MAST2: variants seen among roughly 807,000 people sequenced by gnomAD.
MAST2 encodes the protein microtubule associated serine/threonine kinase 2.
Under a neutral mutation model 147.4 loss-of-function variants are expected in MAST2, and 70 were observed. The ratio of observed to expected loss-of-function variants is 0.47; its 90% CI spans 0.39 to 0.58. The LOEUF (loss-of-function observed/expected upper bound fraction) is 0.58. MAST2 is among the 20% of genes least tolerant of loss of function. MAST2 has a pLI of 0.00. For synonymous variants in MAST2, 869 were observed against 896.8 expected (o/e 0.97, Z 0.55); for missense variants, 2,080 against 2,302.3 (o/e 0.90, Z 1.98).
chr1:45,808,618 A>T (rs1411109957), intron 1 of MAST2, among the ~76,000 whole-genome samples: 2 of 151,952 alleles, frequency 1.3e-5, no homozygotes, highest in Non-Finnish European at 2.9e-5. Flanking sequence ...TCCCATTGTC[A>T]CTACCTTAAT....
intron 4 of MAST2, among the ~76,000 whole-genome samples, chr1:45,931,897 C>T (rs1246619760): frequency 6.6e-6 from 1 of 152,060 alleles, no homozygotes; most frequent in East Asian, 1.9e-4. Flanking sequence ...TGCTGTGTTG[C>T]CTAGGCTGGT....
chr1:45,892,422 C>T (rs1647966351), intron 4 of MAST2, among the ~76,000 whole-genome samples: 1 of 152,178 alleles, frequency 6.6e-6, no homozygotes, highest in Admixed American at 6.5e-5. Flanking sequence ...AATAATATTT[C>T]AAACAAATTA....
intron 4 of MAST2, among the ~76,000 whole-genome samples, chr1:45,922,062 G>A (rs1277040003): frequency 6.6e-6 from 1 of 152,208 alleles, no homozygotes; most frequent in Non-Finnish European, 1.5e-5. Context: ...CAGCAGAGAG[G>A]AGGTCCTGGA....
chr1:45,979,429 GTT>G (rs10712066), intron 5 of MAST2, among the ~76,000 whole-genome samples: 37,896 of 143,076 alleles, frequency 0.26, 5,711 homozygotes, highest in African/African-American at 0.42. Context: ...CAGATTTTTT[GTT>G]TTTTTTTTTT....
chr1:45,902,740 T>C (rs1649995140), intron 4 of MAST2, among the ~76,000 whole-genome samples: 1 of 152,112 alleles, frequency 6.6e-6, no homozygotes. Context: ...AATTTATTCA[T>C]GTCTTCTAGG....
intron 6 of MAST2, among the ~76,000 whole-genome samples, chr1:46,001,270 G>A (rs529947447): frequency 2.0e-5 from 3 of 152,314 alleles, no homozygotes; most frequent in African/African-American, 7.2e-5. Flanking sequence ...ACAGTCAGAT[G>A]ACTGCAGTGA....
intron 4 of MAST2, among the ~76,000 whole-genome samples, chr1:45,887,651 C>G (rs761360073): frequency 2.0e-5 from 3 of 152,152 alleles, no homozygotes; most frequent in Non-Finnish European, 4.4e-5. Flanking sequence ...CAACTTGATG[C>G]CTGGATCAAT....
intron 5 of MAST2, among the ~76,000 whole-genome samples, chr1:45,977,594 T>G (rs1644221608): frequency 6.6e-6 from 1 of 151,570 alleles, no homozygotes; most frequent in Admixed American, 6.6e-5. Flanking sequence ...GGTCAAGAGA[T>G]CGAGACCATC....
chr1:45,810,623 C>A (rs1412868940), intron 1 of MAST2, among the ~76,000 whole-genome samples: 1 of 151,224 alleles, frequency 6.6e-6, no homozygotes, highest in Non-Finnish European at 1.5e-5. Context: ...ACCAGCCTGG[C>A]CAACATGATG....
chr1:45,941,902 A>G (rs536579829), intron 4 of MAST2, among the ~76,000 whole-genome samples: 22 of 152,354 alleles, frequency 1.4e-4, no homozygotes, highest in African/African-American at 5.1e-4. Context: ...AAGTGTTTGG[A>G]GAGTAATACA....
chr1:45,956,414 G>A (rs56301932), intron 4 of MAST2, among the ~76,000 whole-genome samples: 30,389 of 152,030 alleles, frequency 0.2, 3,541 homozygotes, highest in Non-Finnish European at 0.26. Flanking sequence ...ATGGAAATTT[G>A]TTCACTGCAA....
At chr1:45,892,923 CAT>C (rs1412676742) in intron 4 of MAST2, among the ~76,000 whole-genome samples, 1 of 152,102 alleles carries the variant, frequency 6.6e-6, no homozygotes, top group African/African-American at 2.4e-5. Flanking sequence ...ATTTAGAAAA[CAT>C]AGATAAACAT....
At chr1:45,965,037 G>A (rs1293057897) in intron 5 of MAST2, among the ~76,000 whole-genome samples, 9 of 152,210 alleles carry the variant, frequency 5.9e-5, no homozygotes, top group Non-Finnish European at 1.5e-5. Context: ...TTTTGAGTGA[G>A]TTTCTTAATC....
intron 3 of MAST2, among the ~76,000 whole-genome samples, chr1:45,867,872 G>A (rs1646222330): frequency 6.6e-6 from 1 of 152,178 alleles, no homozygotes; most frequent in Admixed American, 6.5e-5. Context: ...GAAGTCCAGA[G>A]GTTGGATGGG....
rs1313995776 is a variant in MAST2, at chr1:46,035,098, G to T, written c.4429G>T (p.Ala1477Ser). ...GGTGCTGCAGCCTGCTCCCTCACGGGCCCTAGGCACCCTCCGGCAGGACCG... is the reference window on the plus strand; with the variant it reads ...GGTGCTGCAGCCTGCTCCCTCACGGTCCCTAGGCACCCTCCGGCAGGACCG... The part of the protein sequence containing the change: ...KGVLQPAPSR[A>S]LGTLRQDRAE... The change falls in exon 29 of 29, where the codon GCC becomes TCC. Residue 1477 changes from alanine (A) to serine (S), a missense_variant. Ala to Ser is a moderately conservative substitution (Grantham distance 99). This residue lies in a region of MAST2 where 1,278 missense variants were observed against 1,304.2 expected (regional missense o/e 0.98). Transcript: ENST00000361297. The surrounding 1 kb of genome is among the most constrained non-coding windows in gnomAD (Gnocchi z 5.5). 1.2e-6 allele frequency: 2 copies of T among 1,613,504 alleles called. No homozygotes were observed. Among genetic ancestry groups the T allele is most frequent in the South Asian group, 1.1e-5 (1 of 91,084 alleles).
intron 3 of MAST2, among the ~76,000 whole-genome samples, chr1:45,845,795 C>T (rs1645412550): frequency 6.6e-6 from 1 of 152,216 alleles, no homozygotes; most frequent in African/African-American, 2.4e-5. Context: ...CGGAGTGTCT[C>T]TGTCGCCCAG....
rs555127204 is a variant in MAST2 at position 46,030,499 on chromosome 1, G to A, written c.2554-108G>A. The A allele has an allele frequency of 1.2e-4, 156 of 1,319,446 alleles. 1 individual carries two copies. The African/African-American group carries it at 2.1e-3, about 18-fold the overall frequency. The allele number at this position is 1,319,446 out of a possible 1,614,324, so 81.7% of individuals were successfully genotyped here. On this transcript the variant is annotated intron_variant, in intron 21 of 28. Transcript: ENST00000361297. The stretch of plus-strand genomic sequence containing the variant: ...CAGCAGGGGTGTGTGAAGGAGGGAT[G>A]GAACCGACTGGTTCAAATTCCTAGG...
chr1:45,980,069 G>T (rs1030370721), intron 5 of MAST2, among the ~76,000 whole-genome samples: 2 of 152,080 alleles, frequency 1.3e-5, no homozygotes, highest in African/African-American at 4.8e-5. Flanking sequence ...TGGATCACTT[G>T]AGGTCAGGAG....
chr1:45,997,656 C>T, intron 5 of MAST2, 68 bp from the exon 6 acceptor site: 2 of 1,167,310 alleles, frequency 1.7e-6, no homozygotes, highest in Non-Finnish European at 2.6e-6. Context: ...ATATTTCTTG[C>T]CCGAAAGTCA....
Sources: allele counts gnomAD v4.1 joint callset (sites outside exome capture counted in the v4.1 genomes callset), GRCh38; gene constraint gnomAD v4.1.1; regional missense constraint gnomAD v4.1.1; non-coding constraint Gnocchi (gnomAD v3.1); transcripts MANE v1.5; gene names NCBI Gene and HGNC (gene_info 2026-07-23, HGNC 2026-07-21).